Variants in TERT observed in about 807,000 individuals in gnomAD.
TERT encodes the protein telomerase catalytic subunit.
TERT carries 42 observed loss-of-function variants against 104.0 expected under a neutral mutation model. The ratio of observed to expected loss-of-function variants is 0.40; its 90% CI spans 0.32 to 0.52. TERT has a LOEUF of 0.52. Among genes scored for constraint, TERT ranks in the 20% least tolerant of loss-of-function variants. TERT has a pLI of 0.43. For synonymous variants in TERT, 781 were observed against 725.6 expected, an observed-to-expected ratio of 1.08 and a Z score of -1.23; for missense variants, 1,101 against 1,610.3, an observed-to-expected ratio of 0.68 and a Z score of 5.41.
In TERT at chr5:1,280,172, G is replaced by A. The variant is rs147521473; in HGVS notation, c.1936C>T (p.Arg646Cys). 5.1e-5 allele frequency: 83 copies of A among 1,614,074 alleles called. No homozygotes were observed. Among genetic ancestry groups the A allele is most frequent in the East Asian group, 8.9e-5 (4 of 44,880 alleles). ...AGCACAGCCACCCTCTTTTCTCTGC[G>A]GAACGTTCTGGCTCCCACGACGTAG... ...MDYVVGARTF[R>C]REKRAERLTS... is the part of the protein sequence containing the mutation. The change falls in exon 4 of 16, where the codon CGC (arginine) becomes TGC (cysteine). Residue 646 changes from arginine (R) to cysteine (C), a missense_variant. Physicochemically the swap from Arg to Cys is radical, Grantham distance 180 (BLOSUM62 -3). Coordinates refer to ENST00000310581, the MANE Select transcript of TERT (RefSeq NM_198253.3).
At chr5:1,277,221 C>T (rs1749660130) in intron 6 of TERT, among the ~76,000 whole-genome samples, 1 of 152,216 alleles carries the variant, frequency 6.6e-6, no homozygotes, top group Admixed American at 6.5e-5. Context: ...GTGTCACTGT[C>T]ACCCCCCTGG....
Position 1,261,973 on chromosome 5 carries a change from C to T in TERT, c.2844-1373G>A, listed in dbSNP as rs552082316. On this transcript the variant is annotated intron_variant, in intron 11 of 15. Coordinates refer to ENST00000310581, the MANE Select transcript of TERT (RefSeq NM_198253.3). This position sits in a 1 kb window ranked among gnomAD's most constrained non-coding sequence, Gnocchi z 7.4. ...CTCACAGGGCGCCTTAAATAAATCA[C>T]GTGCACAAACGCTCCAGGGAATGGC... Among the ~76,000 whole-genome samples, 11 of 152,308 alleles carry T rather than the reference C, an allele frequency of 7.2e-5. No homozygotes were observed. The highest frequency in any genetic ancestry group is 6.2e-4 in the South Asian group (3 of 4,822).
intron 3 of TERT, among the ~76,000 whole-genome samples, chr5:1,281,184 G>A (rs958866634): frequency 6.6e-6 from 1 of 152,266 alleles, no homozygotes; most frequent in Non-Finnish European, 1.5e-5. Context: ...GACCATGTTG[G>A]GTCGCACACC....
chr5:1,294,719 TC>T, intron 1 of TERT, 51 bp downstream of exon 1: 5 of 1,572,592 alleles, frequency 3.2e-6, no homozygotes, highest in South Asian at 1.1e-5. Flanking sequence ...TGTCGCTGGT[TC>T]CCCCCGGCCG....
At chr5:1,281,264 C>A (rs1750004140) in intron 3 of TERT, among the ~76,000 whole-genome samples, 1 of 152,226 alleles carries the variant, frequency 6.6e-6, no homozygotes, top group South Asian at 2.1e-4. Flanking sequence ...AAGCCCTGAC[C>A]CTCCCCCAGA....
At position 1,293,558 on chromosome 5, in the gene TERT, G is replaced by C. The variant is rs772257175; in HGVS notation, c.1328C>G (p.Thr443Arg). 9 of 1,547,668 alleles carry C rather than the reference G, an allele frequency of 5.8e-6. No homozygotes were observed. The highest frequency in any genetic ancestry group is 1.7e-4 in the Middle Eastern group (1 of 5,964). ...GSVAAPEEED[T>R]DPRRLVQLLR... ...CAGCTGCACCAGGCGACGGGGGTCT[G>C]TGTCCTCCTCCTCGGGGGCCGCCAC... Residue 443 changes from threonine (T) to arginine (R), a missense_variant, in exon 2 of 16, where the codon ACA (threonine) becomes AGA (arginine). This residue lies in a region of TERT where 504 missense variants were observed against 544.6 expected (regional missense o/e 0.93). Coordinates refer to ENST00000310581, the MANE Select transcript of TERT (RefSeq NM_198253.3).
rs1204743288 is a variant in TERT at position 1,265,863 on chromosome 5, CCT to C, written c.2654+599_2654+600del. ...TGAGGGGGACCACATTGGACAATCC[CCT>C]GTGCTGAGGCCAGGTCCCCTGTGCC... On this transcript the variant is annotated intron_variant, in intron 10 of 15. Coordinates refer to ENST00000310581, the MANE Select transcript of TERT (RefSeq NM_198253.3). This position sits in a 1 kb window ranked among gnomAD's most constrained non-coding sequence, Gnocchi z 6.9. Among the ~76,000 whole-genome samples the C allele has an allele frequency of 6.6e-6, 1 of 152,210 alleles. No homozygotes were observed. The highest frequency in any genetic ancestry group is 1.5e-5 in the Non-Finnish European group (1 of 68,038).
At position 1,265,027 on chromosome 5, in the gene TERT, T is replaced by A. The variant is rs978715558; in HGVS notation, c.2655-435A>T. On this transcript the variant is annotated intron_variant, in intron 10 of 15. Coordinates refer to ENST00000310581, the MANE Select transcript of TERT (RefSeq NM_198253.3). The surrounding 1 kb of genome is among the most constrained non-coding windows in gnomAD (Gnocchi z 6.9). ...ACGACTTTGCCTGTTTTCTCCTAGA[T>A]GCCCTGAAGGCATCTGCTGTGCTTT... 3.3e-5 allele frequency among the ~76,000 whole-genome samples: 5 copies of A among 152,260 alleles called. No homozygotes were observed. The highest frequency in any genetic ancestry group is 5.9e-5 in the Non-Finnish European group (4 of 68,040).
Position 1,293,965 on chromosome 5 carries a change from G to C in TERT, c.921C>G (p.Pro307=), listed in dbSNP as rs1352359181. 3 of 1,555,988 alleles carry C rather than the reference G, an allele frequency of 1.9e-6. No homozygotes were observed. In the African/African-American group the frequency reaches 4.1e-5, roughly 21 times the overall value. ...GACGTGGTGGCCGCGATGTGGATGGGGGGCCCGCGTGGTGCTGGCGGCCCA... is the reference window on the plus strand; with the variant it reads ...GACGTGGTGGCCGCGATGTGGATGGCGGGCCCGCGTGGTGCTGGCGGCCCA... ...PSVGRQHHAG[P]PSTSRPPRPW... The change falls in exon 2 of 16, where the codon CCC becomes CCG. Residue 307 remains proline (P), a synonymous_variant. Coordinates refer to ENST00000310581, the MANE Select transcript of TERT (RefSeq NM_198253.3).
chr5:1,269,541 G>A lies in TERT; in HGVS notation c.2469-908C>T, dbSNP rs948125664. 6.6e-6 allele frequency among the ~76,000 whole-genome samples: 1 copy of A among 151,950 alleles called. No individual in the cohort carries two copies. The highest frequency in any genetic ancestry group is 2.4e-5 in the African/African-American group (1 of 41,358). On this transcript the variant is annotated intron_variant, in intron 8 of 15. Transcript: ENST00000310581. The surrounding 1 kb of genome is among the most constrained non-coding windows in gnomAD (Gnocchi z 9.0). ...CAGGAGAAATGCTGGAACCCGGGAG[G>A]CGGAGGTTGCAGTGAGTTGAGATCG...
chr5:1,274,830 A>C lies in TERT; in HGVS notation c.2287-2550T>G, dbSNP rs928963862. On this transcript the variant is annotated intron_variant, in intron 6 of 15. Transcript: ENST00000310581. The surrounding 1 kb of genome is among the most constrained non-coding windows in gnomAD (Gnocchi z 5.3). ...AGAAAAGAAAGTTCAAACATCCATA[A>C]TCGAAACTTTTCCTTCAAGGAGCCG... 7.2e-5 allele frequency among the ~76,000 whole-genome samples: 11 copies of C among 152,242 alleles called. No homozygotes were observed. Among genetic ancestry groups the C allele is most frequent in the Admixed American group, 7.2e-4 (11 of 15,278 alleles).
Position 1,293,488 on chromosome 5 carries a change from C to A in TERT, c.1398G>T (p.Arg466=), listed in dbSNP as rs1579596423. 1 of 1,590,236 alleles carries A rather than the reference C, an allele frequency of 6.3e-7. No individual in the cohort carries two copies. ...SSPWQVYGFV[R]ACLRRLVPPG... ...GGGGCACCAGCCGGCGCAGGCAGGC[C>A]CGCACGAAGCCGTACACCTGCCAGG... The change falls in exon 2 of 16, where the codon CGG becomes CGT. Residue 466 remains arginine, a synonymous_variant. Transcript: ENST00000310581.
intron 2 of TERT, among the ~76,000 whole-genome samples, chr5:1,291,246 C>G (rs1418256146): frequency 2.6e-4 from 26 of 98,796 alleles, no homozygotes; most frequent in South Asian, 4.3e-4. Context: ...CACCCTACAC[C>G]TGAGAGGGAC....
rs34554161 is a variant in TERT at position 1,270,954 on chromosome 5, C to T, written c.2468+165G>A. On this transcript the variant is annotated intron_variant, in intron 8 of 15. Transcript: ENST00000310581. The surrounding 1 kb of genome is among the most constrained non-coding windows in gnomAD (Gnocchi z 8.3). The stretch of plus-strand genomic sequence containing the variant: ...AAGCCGAGCCATGTTTCCGGGGCCT[C>T]GGGAGCCTGCAGCCCAGGAGCCGGA... Among the ~76,000 whole-genome samples, 1 of 152,320 alleles carries T rather than the reference C, an allele frequency of 6.6e-6. No individual in the cohort carries two copies. Among genetic ancestry groups the T allele is most frequent in the Non-Finnish European group, 1.5e-5 (1 of 68,028 alleles).
At chr5:1,289,717 G>A (rs1486968799) in intron 2 of TERT, among the ~76,000 whole-genome samples, 6 of 106,650 alleles carry the variant, frequency 5.6e-5, no homozygotes, top group South Asian at 2.9e-4. Context: ...CGGGGACGGC[G>A]CCTCACTCAC....
At chr5:1,289,441 G>A (rs1216917370) in intron 2 of TERT, among the ~76,000 whole-genome samples, 13 of 91,906 alleles carry the variant, frequency 1.4e-4, no homozygotes, top group Non-Finnish European at 2.4e-4. Context: ...CACCCTACAC[G>A]TGACAGGGAC....
chr5:1,262,252 G>GA lies in TERT; in HGVS notation c.2844-1653dup, dbSNP rs113417841. Reference sequence around the variant, plus strand: ...TATTTGCTTCCAGTCAGTTTTCTCAGAAAAAAAAATTACACACACACTCTC... The same window carrying GA: ...TATTTGCTTCCAGTCAGTTTTCTCAGAAAAAAAAAATTACACACACACTCTC... On this transcript the variant is annotated intron_variant, in intron 11 of 15. Coordinates refer to ENST00000310581, the MANE Select transcript of TERT (RefSeq NM_198253.3). The surrounding 1 kb of genome is among the most constrained non-coding windows in gnomAD (Gnocchi z 5.6). 7.4e-4 allele frequency among the ~76,000 whole-genome samples: 112 copies of GA among 151,500 alleles called. No homozygotes were observed. Among genetic ancestry groups the GA allele is most frequent in the African/African-American group, 2.3e-3 (96 of 41,352 alleles).
chr5:1,283,251 G>C (rs1196666666), intron 2 of TERT, among the ~76,000 whole-genome samples: 1 of 123,440 alleles, frequency 8.1e-6, no homozygotes, highest in Non-Finnish European at 1.7e-5. Flanking sequence ...TGCACCATCC[G>C]ACACCGCATA....
intron 2 of TERT, among the ~76,000 whole-genome samples, chr5:1,283,672 C>T (rs1750236295): frequency 6.8e-6 from 1 of 146,400 alleles, no homozygotes; most frequent in Non-Finnish European, 1.5e-5. Context: ...GGACCTGCAC[C>T]ATCCGGACAC....
Sources: gnomAD v4.1 joint callset for allele counts (sites outside exome capture counted in the v4.1 genomes callset) on GRCh38, gnomAD v4.1.1 for gene constraint, gnomAD v4.1.1 regional missense constraint, Gnocchi (gnomAD v3.1) non-coding constraint, MANE v1.5 for transcripts, NCBI Gene and HGNC (gene_info 2026-07-23, HGNC 2026-07-21) for gene names.